Variants in TRPS1 observed in about 807,000 individuals in gnomAD.
TRPS1 encodes zinc finger transcription factor Trps1.
In TRPS1, 6 loss-of-function variants were observed where a neutral mutation model predicts 101.2. The observed-to-expected ratio is 0.06, with a 90% CI of 0.03 to 0.12. The LOEUF is 0.12. Among genes scored for constraint, TRPS1 ranks in the 10% least tolerant of loss-of-function variants. TRPS1 has a pLI of 1.00. For synonymous variants in TRPS1, 578 were observed against 589.8 expected (o/e 0.98, Z 0.29); for missense variants, 1,363 against 1,567.0 (o/e 0.87, Z 2.20).
chr8:115,446,116 T>A (rs1159151904), intron 5 of TRPS1, among the ~76,000 whole-genome samples: 1 of 152,076 alleles, frequency 6.6e-6, no homozygotes, highest in East Asian at 1.9e-4. Context: ...TACGGCTATA[T>A]GGACTGCTGT....
chr8:115,469,048 A>C (rs372548713), intron 5 of TRPS1, among the ~76,000 whole-genome samples: 25 of 152,236 alleles, frequency 1.6e-4, no homozygotes, highest in African/African-American at 5.3e-4. Context: ...AGGCTCAACC[A>C]GAGGATTGCT....
intron 5 of TRPS1, among the ~76,000 whole-genome samples, chr8:115,428,685 T>C (rs1292368404): frequency 2.0e-5 from 3 of 152,160 alleles, no homozygotes; most frequent in Non-Finnish European, 4.4e-5. Flanking sequence ...GGAATACCTC[T>C]GGGACCACGC....
intron 5 of TRPS1, among the ~76,000 whole-genome samples, chr8:115,543,685 A>G (rs1050233408): frequency 3.9e-5 from 6 of 152,146 alleles, no homozygotes; most frequent in African/African-American, 1.2e-4. Flanking sequence ...CTTTTTATGT[A>G]CCAGGAGAAG....
chr8:115,428,970 G>T (rs1343853249), intron 5 of TRPS1, among the ~76,000 whole-genome samples: 1 of 152,186 alleles, frequency 6.6e-6, no homozygotes, highest in Non-Finnish European at 1.5e-5. Context: ...AACCGACCAT[G>T]AGCAGATAAT....
At chr8:115,622,191 T>C (rs539226280) in intron 2 of TRPS1, among the ~76,000 whole-genome samples, 1 of 152,192 alleles carries the variant, frequency 6.6e-6, no homozygotes, top group East Asian at 1.9e-4. Flanking sequence ...ATAACCACTG[T>C]TAAAAAAGGA....
At chr8:115,546,498 T>C (rs186108666) in intron 5 of TRPS1, among the ~76,000 whole-genome samples, 1 of 151,870 alleles carries the variant, frequency 6.6e-6, no homozygotes, top group Non-Finnish European at 1.5e-5. Flanking sequence ...CATGTTCTTA[T>C]CCTTAGTGTT....
chr8:115,595,096 G>C (rs1817757941), intron 4 of TRPS1, among the ~76,000 whole-genome samples: 1 of 151,902 alleles, frequency 6.6e-6, no homozygotes, highest in African/African-American at 2.4e-5. Flanking sequence ...TAGACTTTCA[G>C]AGGTTTTTTT....
At chr8:115,653,036 CA>C (rs1359792040) in intron 1 of TRPS1, among the ~76,000 whole-genome samples, 1 of 151,994 alleles carries the variant, frequency 6.6e-6, no homozygotes, top group Non-Finnish European at 1.5e-5. Flanking sequence ...TAAAAACCAA[CA>C]AAAAACGGTG....
chr8:115,497,856 T>A (rs1815187660), intron 5 of TRPS1, among the ~76,000 whole-genome samples: 2 of 152,128 alleles, frequency 1.3e-5, no homozygotes, highest in South Asian at 4.1e-4. Flanking sequence ...TGCATTCTTG[T>A]GATATTAAAA....
At chr8:115,471,993 A>G (rs1814482412) in intron 5 of TRPS1, among the ~76,000 whole-genome samples, 1 of 152,168 alleles carries the variant, frequency 6.6e-6, no homozygotes, top group South Asian at 2.1e-4. Context: ...GAGTGTCTGC[A>G]GTTTTTCTAG....
intron 1 of TRPS1, among the ~76,000 whole-genome samples, chr8:115,663,148 C>T (rs1196656118): frequency 6.6e-6 from 1 of 151,934 alleles, no homozygotes; most frequent in Non-Finnish European, 1.5e-5. Context: ...CAGCAGTGCT[C>T]AGCAGGAAAG....
At position 115,411,823 on chromosome 8, in the gene TRPS1, G is replaced by T. The variant is rs1189225833; in HGVS notation, c.*2200C>A. ...TTTTTTAATATGCAAACAAAAAAAT[G>T]CAAAAATGAAAATGACAACACAACA... On this transcript the variant is annotated 3_prime_UTR_variant, in exon 7 of 7. Coordinates refer to ENST00000395715, the MANE Select transcript of TRPS1 (RefSeq NM_014112.5). The T allele has an allele frequency of 6.6e-6, 1 of 151,928 alleles. No individual in the cohort carries two copies. The highest frequency in any genetic ancestry group is 1.5e-5 in the Non-Finnish European group (1 of 67,926). The allele number at this position is 151,928 out of a possible 1,614,324, so 9.4% of individuals were successfully genotyped here. A position where few individuals can be genotyped will look rare whatever the true frequency, so the allele number is the denominator to read the frequency against.
At chr8:115,639,340 A>G (rs1335855312) in intron 1 of TRPS1, among the ~76,000 whole-genome samples, 1 of 151,924 alleles carries the variant, frequency 6.6e-6, no homozygotes, top group Non-Finnish European at 1.5e-5. Context: ...GAGTGCTGGG[A>G]TTACAGGTGT....
chr8:115,470,881 C>T (rs1304848659), intron 5 of TRPS1, among the ~76,000 whole-genome samples: 1 of 152,142 alleles, frequency 6.6e-6, no homozygotes, highest in Non-Finnish European at 1.5e-5. Flanking sequence ...ATAAGCATTT[C>T]TTTAGATGGA....
intron 5 of TRPS1, among the ~76,000 whole-genome samples, chr8:115,515,951 T>C (rs529813670): frequency 5.0e-4 from 76 of 151,540 alleles, no homozygotes; most frequent in African/African-American, 1.6e-3. Flanking sequence ...TTTAAAGTAT[T>C]CCCAATGATG....
At chr8:115,578,158 A>C (rs2130419532) in intron 5 of TRPS1, among the ~76,000 whole-genome samples, 1 of 152,332 alleles carries the variant, frequency 6.6e-6, no homozygotes, top group East Asian at 1.9e-4. Flanking sequence ...ACTGTATTCC[A>C]TATATGTGAT....
chr8:115,536,857 A>G (rs1164769118), intron 5 of TRPS1, among the ~76,000 whole-genome samples: 1 of 151,044 alleles, frequency 6.6e-6, no homozygotes, highest in Non-Finnish European at 1.5e-5. Context: ...TTAATAATTT[A>G]AAAATATTAA....
At chr8:115,664,356 C>A (rs1181349577) in intron 1 of TRPS1, among the ~76,000 whole-genome samples, 2 of 152,076 alleles carry the variant, frequency 1.3e-5, no homozygotes, top group Non-Finnish European at 2.9e-5. Flanking sequence ...TAAATGTCTA[C>A]TTGGCAAAGG....
At chr8:115,578,534 G>T (rs1248371892) in intron 5 of TRPS1, among the ~76,000 whole-genome samples, 1 of 152,006 alleles carries the variant, frequency 6.6e-6, no homozygotes, top group African/African-American at 2.4e-5. Flanking sequence ...AACATACTAG[G>T]ATGTCACTAT....
Sources: gnomAD v4.1 joint callset for allele counts (sites outside exome capture counted in the v4.1 genomes callset) on GRCh38, gnomAD v4.1.1 for gene constraint, MANE v1.5 for transcripts, NCBI Gene and HGNC (gene_info 2026-07-23, HGNC 2026-07-21) for gene names.